ZNF398: variants seen among roughly 807,000 people sequenced by gnomAD.
The protein encoded by ZNF398 is zinc finger DNA binding protein ZER6.
A neutral mutation model predicts 41.9 loss-of-function variants in ZNF398; 18 were observed. That is an observed-to-expected ratio of 0.43 (90% CI 0.30 to 0.64). ZNF398 has a LOEUF of 0.64. ZNF398 is among the 30% of genes least tolerant of loss of function. ZNF398 has a pLI of 0.14. For synonymous variants in ZNF398, 260 were observed against 308.8 expected (o/e 0.84, Z 1.66); for missense variants, 669 against 822.8 (o/e 0.81, Z 2.29).
chr7:149,153,840 A>G (rs1024393151), intron 1 of ZNF398, 105 bp from the exon 2 acceptor site: 2 of 1,359,458 alleles, frequency 1.5e-6, no homozygotes, highest in African/African-American at 2.9e-5. Context: ...ACTATATTCA[A>G]ATTAATCTCT....
chr7:149,147,762 C>T lies in ZNF398; in HGVS notation c.20C>T (p.Ala7Val). 1 of 1,388,852 alleles carries T rather than the reference C, an allele frequency of 7.2e-7. No individual in the cohort carries two copies. Among genetic ancestry groups the T allele is most frequent in the South Asian group, 1.6e-5 (1 of 63,778 alleles). 86.0% of individuals were successfully genotyped at this position (1,388,852 alleles called of 1,614,324 possible). A position where few individuals can be genotyped will look rare whatever the true frequency, so the allele number is the denominator to read the frequency against. The change falls in exon 1 of 6, where the codon GCC (alanine) becomes GTC (valine). Residue 7 changes from alanine to valine, a missense_variant. Ala to Val is a moderately conservative substitution (Grantham distance 64). Transcript: ENST00000475153. This position sits in a 1 kb window ranked among gnomAD's most constrained non-coding sequence, Gnocchi z 5.6. ...AGGGCCATGGCTGAGGCGGCCCCGG[C>T]CCCGGTAAGGGCGGCCGCGCGCGAG... MAEAAP[A>V]PTSEWDSECL...
At chr7:149,127,688 G>A (rs925280358) in intron 1 of ZNF398, among the ~76,000 whole-genome samples, 9 of 151,980 alleles carry the variant, frequency 5.9e-5, no homozygotes, top group Admixed American at 1.3e-4. Flanking sequence ...CTGCACTCCA[G>A]CCTGGGCGAC....
chr7:149,159,509 A>G (rs1307696224), intron 2 of ZNF398, among the ~76,000 whole-genome samples: 7 of 151,336 alleles, frequency 4.6e-5, no homozygotes, highest in East Asian at 4.0e-4. Context: ...TTAGCCGGGC[A>G]TGGTGGCGGG....
Position 149,152,652 on chromosome 7 carries a change from G to A in ZNF398, c.25-1293G>A, listed in dbSNP as rs1042301476. Among the ~76,000 whole-genome samples, 20 of 150,278 alleles carry A rather than the reference G, an allele frequency of 1.3e-4. 1 individual carries two copies. Among genetic ancestry groups the A allele is most frequent in the African/African-American group, 3.4e-4 (14 of 40,814 alleles). On this transcript the variant is annotated intron_variant, in intron 1 of 5. Transcript: ENST00000475153. ...TGCGATCTCGGCTCACTGAAACCTCGGTCTCCTGGGTTCAAGCGATTGTCC... is the reference window on the plus strand; with the variant it reads ...TGCGATCTCGGCTCACTGAAACCTCAGTCTCCTGGGTTCAAGCGATTGTCC...
intron 2 of ZNF398, among the ~76,000 whole-genome samples, chr7:149,136,760 G>T (rs1826722586): frequency 6.6e-6 from 1 of 151,762 alleles, no homozygotes; most frequent in Non-Finnish European, 1.5e-5. Context: ...AGTAGAGACA[G>T]GATTTCACTG....
At position 149,164,696 on chromosome 7, in the gene ZNF398, C is replaced by G. The variant is rs116580603; in HGVS notation, c.421-1462C>G. On this transcript the variant is annotated intron_variant, in intron 2 of 5. Coordinates refer to ENST00000475153, the MANE Select transcript of ZNF398 (RefSeq NM_170686.3). Reference sequence around the variant, plus strand: ...CAAGGAAGAAGGTTGTAAAAGACTTCTGGCATTACAGGATGAAAAGCTAGA... The same window carrying G: ...CAAGGAAGAAGGTTGTAAAAGACTTGTGGCATTACAGGATGAAAAGCTAGA... Among the ~76,000 whole-genome samples, 1,327 of 152,320 alleles carry G rather than the reference C, an allele frequency of 8.7e-3. 9 individuals are homozygous for G. Among genetic ancestry groups the G allele is most frequent in the African/African-American group, 0.015 (638 of 41,572 alleles).
At position 149,179,140 on chromosome 7, in the gene ZNF398, C is replaced by T. The variant is rs1282929229; in HGVS notation, c.1268C>T (p.Thr423Ile). Reference sequence around the variant, plus strand: ...TACCATCTTCGGGTCCATAACAGCACTGAGCGTCCTTTCCCCTGTCCTGAT... The same window carrying T: ...TACCATCTTCGGGTCCATAACAGCATTGAGCGTCCTTTCCCCTGTCCTGAT... ...LTYHLRVHNS[T>I]ERPFPCPDCP... Residue 423 changes from threonine to isoleucine, a missense_variant, in exon 6 of 6, where the codon ACT becomes ATT. Around this residue, in one of 3 missense-constraint regions of ZNF398, gnomAD observed 290 missense variants for 292.9 expected, o/e 0.99. Coordinates refer to ENST00000475153, the MANE Select transcript of ZNF398 (RefSeq NM_170686.3). The surrounding 1 kb of genome is among the most constrained non-coding windows in gnomAD (Gnocchi z 6.1). 2.8e-5 allele frequency: 45 copies of T among 1,613,960 alleles called. No individual in the cohort carries two copies. Among genetic ancestry groups the T allele is most frequent in the Non-Finnish European group, 3.8e-5 (45 of 1,180,038 alleles).
chr7:149,163,123 A>T (rs1257384526), intron 2 of ZNF398, among the ~76,000 whole-genome samples: 1 of 152,250 alleles, frequency 6.6e-6, no homozygotes, highest in Non-Finnish European at 1.5e-5. Context: ...CAGTAGGCCA[A>T]AAATGTCACG....
chr7:149,134,755 G>C (rs1402445703), intron 2 of ZNF398, among the ~76,000 whole-genome samples: 1 of 152,090 alleles, frequency 6.6e-6, no homozygotes, highest in East Asian at 1.9e-4. Flanking sequence ...TTTTTGGACA[G>C]AGTCTGGCTC....
At chr7:149,156,815 T>G (rs577686091) in intron 2 of ZNF398, among the ~76,000 whole-genome samples, 39 of 149,580 alleles carry the variant, frequency 2.6e-4, no homozygotes, top group Non-Finnish European at 4.1e-4. Context: ...GAGGGGAGAT[T>G]GTACCACTGA....
intron 4 of ZNF398, among the ~76,000 whole-genome samples, chr7:149,173,335 G>A (rs575042547): frequency 2.6e-5 from 4 of 151,602 alleles, no homozygotes; most frequent in Non-Finnish European, 5.9e-5. Context: ...TCGAACTCCC[G>A]ACCTCAGGTG....
At chr7:149,165,417 A>T (rs1156534747) in intron 2 of ZNF398, among the ~76,000 whole-genome samples, 4 of 152,244 alleles carry the variant, frequency 2.6e-5, no homozygotes, top group Admixed American at 2.6e-4. Flanking sequence ...GCAGTTGCCC[A>T]GAAAAACAGG....
chr7:149,162,366 T>TAG (rs1432779696), intron 2 of ZNF398, among the ~76,000 whole-genome samples: 1 of 152,232 alleles, frequency 6.6e-6, no homozygotes, highest in East Asian at 1.9e-4. Context: ...ATATTTTTAG[T>TAG]AGAGACAGGG....
chr7:149,138,916 A>ATTT (rs35109418), intron 2 of ZNF398, among the ~76,000 whole-genome samples: 41 of 145,042 alleles, frequency 2.8e-4, no homozygotes, highest in African/African-American at 4.6e-4. Flanking sequence ...TGCCCAGCTA[A>ATTT]TTTTTTTTTT....
At chr7:149,131,470 G>A (rs748144370) in intron 2 of ZNF398, among the ~76,000 whole-genome samples, 7 of 152,138 alleles carry the variant, frequency 4.6e-5, no homozygotes, top group Non-Finnish European at 7.3e-5. Context: ...GATGGATCAC[G>A]AGATCAGGAG....
chr7:149,159,654 A>AC (rs1456130967), intron 2 of ZNF398, among the ~76,000 whole-genome samples: 1 of 152,042 alleles, frequency 6.6e-6, no homozygotes, highest in African/African-American at 2.4e-5. Context: ...TCTCAAAAAA[A>AC]ATGCTCTTTT....
rs568695668 is a variant in ZNF398 at position 149,140,545 on chromosome 7, G to A, written c.-490+11601G>A. ...ATTACAGGCAAGTGCCACTATGCCC[G>A]GCTAACTTTTGTATTTTTAGTAGAG... On this transcript the variant is annotated intron_variant, in intron 2 of 6. Coordinates refer to the ZNF398 transcript ENST00000426851. Among the ~76,000 whole-genome samples, 44 of 152,120 alleles carry A rather than the reference G, an allele frequency of 2.9e-4. No individual in the cohort carries two copies. The South Asian group carries it at 7.9e-3, about 27-fold the overall frequency.
intron 2 of ZNF398, among the ~76,000 whole-genome samples, chr7:149,157,302 A>C (rs958807869): frequency 9.9e-5 from 15 of 152,158 alleles, no homozygotes; most frequent in Admixed American, 7.2e-4. Context: ...TGGGAGGCCG[A>C]GGCGGGCGGA....
intron 2 of ZNF398, among the ~76,000 whole-genome samples, chr7:149,158,965 G>T (rs1795041401): frequency 6.6e-6 from 1 of 151,586 alleles, no homozygotes; most frequent in African/African-American, 2.4e-5. Context: ...CATCTATAAA[G>T]TAATGTGATT....
Sources: gnomAD v4.1 joint callset for allele counts (sites outside exome capture counted in the v4.1 genomes callset) on GRCh38, gnomAD v4.1.1 for gene constraint, gnomAD v4.1.1 regional missense constraint, Gnocchi (gnomAD v3.1) non-coding constraint, MANE v1.5 for transcripts, NCBI Gene and HGNC (gene_info 2026-07-23, HGNC 2026-07-21) for gene names.